The following MLIP variants were observed in gnomAD, a reference collection of about 807,000 sequenced individuals.
MLIP encodes muscular LMNA interacting protein.
A neutral mutation model predicts 84.8 loss-of-function variants in MLIP; 79 were observed. That is an observed-to-expected ratio of 0.93 (90% CI 0.78 to 1.12). The LOEUF is 1.12. Ranked by LOEUF, MLIP falls within the 50% of genes most tolerant of loss-of-function variation. The pLI is 0.00. For synonymous variants in MLIP, 504 were observed against 463.0 expected (o/e 1.09, Z -1.14); for missense variants, 1,257 against 1,160.6 (o/e 1.08, Z -1.21).
intron 11 of MLIP, among the ~76,000 whole-genome samples, chr6:54,205,782 A>C (rs539143461): frequency 3.3e-5 from 5 of 152,334 alleles, no homozygotes; most frequent in East Asian, 3.9e-4. Flanking sequence ...TTTTTAAAAA[A>C]ACGAAACCTT....
chr6:54,262,307 A>C (rs906144147), intron 13 of MLIP, among the ~76,000 whole-genome samples: 1 of 152,074 alleles, frequency 6.6e-6, no homozygotes, highest in Admixed American at 6.6e-5. Flanking sequence ...CATCATAGGC[A>C]ATCTGCTAAT....
In MLIP at chr6:54,019,240, T is replaced by C. The variant is rs140531511; in HGVS notation, c.63+149T>C. 2.1e-4 allele frequency: 162 copies of C among 759,864 alleles called. No homozygotes were observed. In the African/African-American group the frequency reaches 2.5e-3, roughly 12 times the overall value. 47.1% of individuals were successfully genotyped at this position (759,864 alleles called of 1,614,324 possible). On this transcript the variant is annotated intron_variant, in intron 1 of 12. Coordinates refer to the MLIP transcript ENST00000274897. Reference sequence around the variant, plus strand: ...TTTAAAATTAATGAGTTCCATGGGCTTTCCTGAAAATAATGTAATAAAGTT... The same window carrying C: ...TTTAAAATTAATGAGTTCCATGGGCCTTCCTGAAAATAATGTAATAAAGTT...
intron 12 of MLIP, among the ~76,000 whole-genome samples, chr6:54,232,209 C>G (rs966372161): frequency 2.0e-5 from 3 of 152,040 alleles, no homozygotes; most frequent in African/African-American, 7.2e-5. Flanking sequence ...GTTAATAATT[C>G]TGATAATACT....
intron 8 of MLIP, among the ~76,000 whole-genome samples, chr6:54,167,086 T>C (rs1298144): frequency 0.93 from 142,088 of 152,008 alleles, 67,145 homozygotes; most frequent in East Asian, 1. Flanking sequence ...ACTGAGCCAC[T>C]GTGTTTTGTT....
chr6:54,209,003 A>G lies in MLIP; in HGVS notation c.2718+6770A>G, dbSNP rs191596918. Among the ~76,000 whole-genome samples the G allele has an allele frequency of 3.9e-5, 6 of 152,314 alleles. No individual in the cohort carries two copies. In the East Asian group the frequency reaches 1.2e-3, roughly 29 times the overall value. On this transcript the variant is annotated intron_variant, in intron 11 of 13. Transcript: ENST00000502396. Reference sequence around the variant, plus strand: ...TTTGTTTTGGCTCATGAGACGTGAGATCAAGGTAGAATGCATACAGGAGAA... The same window carrying G: ...TTTGTTTTGGCTCATGAGACGTGAGGTCAAGGTAGAATGCATACAGGAGAA...
chr6:54,134,124 G>A (rs1293110534), intron 3 of MLIP, among the ~76,000 whole-genome samples: 1 of 152,066 alleles, frequency 6.6e-6, no homozygotes. Flanking sequence ...TTAAATAGAT[G>A]CCAATAGGGA....
At chr6:54,126,949 C>T (rs919519342) in intron 3 of MLIP, among the ~76,000 whole-genome samples, 11 of 152,036 alleles carry the variant, frequency 7.2e-5, no homozygotes, top group Non-Finnish European at 1.0e-4. Context: ...ATGACCTAGC[C>T]TAGGTGTCTT....
In MLIP at chr6:54,133,440, T is replaced by G. The variant is rs147709477; in HGVS notation, c.646-3275T>G. Among the ~76,000 whole-genome samples the G allele has an allele frequency of 2.2e-3, 333 of 152,276 alleles. 1 individual carries two copies. Among genetic ancestry groups the G allele is most frequent in the African/African-American group, 7.6e-3 (318 of 41,572 alleles). ...TGGTATGTGACGACAAGGGAGAATC[T>G]GGGGTTTCTGCCTCATGTAGCTGTA... On this transcript the variant is annotated intron_variant, in intron 3 of 13. Transcript: ENST00000502396.
At chr6:54,036,925 G>C (rs998060761) in intron 1 of MLIP, among the ~76,000 whole-genome samples, 1 of 151,974 alleles carries the variant, frequency 6.6e-6, no homozygotes, top group Non-Finnish European at 1.5e-5. Flanking sequence ...TTCATAACTG[G>C]GGTGTTGGGA....
rs1771855027 is a variant in MLIP, at chr6:54,136,976, A to G, written c.907A>G (p.Thr303Ala). The G allele has an allele frequency of 1.3e-6, 2 of 1,535,424 alleles. No homozygotes were observed. The highest frequency in any genetic ancestry group is 1.7e-6 in the Non-Finnish European group (2 of 1,146,710). Residue 303 changes from threonine (T) to alanine (A), a missense_variant, in exon 4 of 14, where the codon ACT becomes GCT. Coordinates refer to ENST00000502396, the MANE Select transcript of MLIP (RefSeq NM_001281747.2). ...TSSTLLFPHS[T>A]QLSGSNLPSS... ...CTCGACGTTACTGTTTCCCCATTCC[A>G]CTCAACTATCAGGTTCTAATTTACC...
At chr6:54,233,905 C>T (rs188286313) in intron 12 of MLIP, among the ~76,000 whole-genome samples, 3 of 152,134 alleles carry the variant, frequency 2.0e-5, no homozygotes, top group Admixed American at 6.5e-5. Flanking sequence ...GGCATGAGAT[C>T]GTATCTCATT....
chr6:54,081,353 A>G, intron 1 of MLIP, among the ~76,000 whole-genome samples: 1 of 152,070 alleles, frequency 6.6e-6, no homozygotes, highest in South Asian at 2.1e-4. Flanking sequence ...AAATGAGGAG[A>G]AAAGCAGTGG....
chr6:54,171,747 T>C (rs897907735), intron 9 of MLIP, among the ~76,000 whole-genome samples: 1 of 151,568 alleles, frequency 6.6e-6, no homozygotes, highest in African/African-American at 2.4e-5. Context: ...AATTCTAATA[T>C]TCATATTGAC....
At chr6:54,265,835 T>C (rs1783654329) in intron 13 of MLIP, 115 bp from the exon 14 acceptor site, 1 of 934,312 alleles carries the variant, frequency 1.1e-6, no homozygotes, top group Non-Finnish European at 1.7e-6. Context: ...CCTATTGTAG[T>C]ATAAACCATT....
intron 11 of MLIP, among the ~76,000 whole-genome samples, chr6:54,230,043 G>A (rs1338606777): frequency 6.6e-6 from 1 of 152,044 alleles, no homozygotes; most frequent in African/African-American, 2.4e-5. Context: ...CCATGTTGAA[G>A]ACCCACTTTA....
chr6:54,158,581 C>T (rs765528997), intron 5 of MLIP, among the ~76,000 whole-genome samples: 2 of 151,880 alleles, frequency 1.3e-5, no homozygotes, highest in Non-Finnish European at 2.9e-5. Flanking sequence ...TACCTATAAT[C>T]GATGATCAAT....
rs1769455137 is a variant in MLIP, at chr6:54,111,462, C to T, written c.-18C>T. 1 of 1,535,860 alleles carries T rather than the reference C, an allele frequency of 6.5e-7. No homozygotes were observed. Among genetic ancestry groups the T allele is most frequent in the African/African-American group, 1.4e-5 (1 of 73,136 alleles). ...CACCTCAGTCATTGGTTTGCTCGCT[C>T]CCTTATGTGATGAATCAATGCTTTC... is the stretch of plus-strand genomic sequence containing the variant. On this transcript the variant is annotated 5_prime_UTR_variant, in exon 1 of 14. Coordinates refer to ENST00000502396, the MANE Select transcript of MLIP (RefSeq NM_001281747.2).
At chr6:54,019,115 AC>A in intron 1 of MLIP, 3 of 1,609,472 alleles carry the variant, frequency 1.9e-6, no homozygotes, top group Non-Finnish European at 2.5e-6. Flanking sequence ...TTTAGCACAC[AC>A]AGATTTATAA....
chr6:54,159,947 C>G lies in MLIP; in HGVS notation c.2290-420C>G, dbSNP rs115723420. On this transcript the variant is annotated intron_variant, in intron 5 of 13. Transcript: ENST00000502396. ...AACTATACTACAAGGCCACAGTAAACAAAGCAGCATGATACTGGTACCAAA... is the reference window on the plus strand; with the variant it reads ...AACTATACTACAAGGCCACAGTAAAGAAAGCAGCATGATACTGGTACCAAA... Among the ~76,000 whole-genome samples the G allele has an allele frequency of 2.1e-3, 320 of 152,158 alleles. 2 individuals are homozygous for G. The highest frequency in any genetic ancestry group is 7.4e-3 in the African/African-American group (306 of 41,534).
Sources: allele counts gnomAD v4.1 joint callset (sites outside exome capture counted in the v4.1 genomes callset), GRCh38; gene constraint gnomAD v4.1.1; transcripts MANE v1.5; gene names NCBI Gene and HGNC (gene_info 2026-07-23, HGNC 2026-07-21).